TBC1D10A: variants seen among roughly 807,000 people sequenced by gnomAD.
TBC1D10A encodes TBC1 domain family member 10A.
Under a neutral mutation model 52.9 loss-of-function variants are expected in TBC1D10A, and 24 were observed. That is an observed-to-expected ratio of 0.45 (90% CI 0.33 to 0.64). The LOEUF (loss-of-function observed/expected upper bound fraction) is 0.64, where lower values mean the gene tolerates loss of function less well. Ranked by LOEUF, TBC1D10A falls within the 30% of genes least tolerant of loss-of-function variation. The probability of loss-of-function intolerance (pLI) is 0.02; values close to 1 mark genes in which losing one functional copy is unlikely to be tolerated. For missense variants in TBC1D10A, 602 were observed against 687.9 expected, an observed-to-expected ratio of 0.88 and a Z score of 1.40; for synonymous variants, 278 against 282.9, an observed-to-expected ratio of 0.98 and a Z score of 0.17.
Position 30,293,658 on chromosome 22 carries a change from A to G in TBC1D10A, c.1043T>C (p.Val348Ala). ...SPKIMQEAFLVQEVVELPVTE... is the reference protein window; with the variant it reads ...SPKIMQEAFLAQEVVELPVTE... ...GGCAGGCATGGGCTGTACCTCCTGG[A>G]CCAGAAAGGCCTCCTGCATGATCTT... Residue 348 changes from valine to alanine, a missense_variant, in exon 8 of 9, where the codon GTC (valine) becomes GCC (alanine). Coordinates refer to ENST00000215790, the MANE Select transcript of TBC1D10A (RefSeq NM_031937.3). 2 of 1,608,156 alleles carry G rather than the reference A, an allele frequency of 1.2e-6. No homozygotes were observed. The highest frequency in any genetic ancestry group is 1.1e-5 in the South Asian group (1 of 90,884).
At position 30,309,311 on chromosome 22, in the gene TBC1D10A, AC is replaced by A. The variant is rs545473784; in HGVS notation, c.210-4682del. 4.8e-3 allele frequency among the ~76,000 whole-genome samples: 721 copies of A among 151,308 alleles called. 8 individuals carry two copies. The highest frequency in any genetic ancestry group is 4.3e-3 in the Non-Finnish European group (294 of 67,870). Reference sequence around the variant, plus strand: ...GAGTGCAGTGGCATGATCTCAGCTCACTGCAACCTCCACCTCCCGGGTTTAA... The same window carrying A: ...GAGTGCAGTGGCATGATCTCAGCTCATGCAACCTCCACCTCCCGGGTTTAA... On this transcript the variant is annotated intron_variant, in intron 1 of 8. Coordinates refer to ENST00000215790, the MANE Select transcript of TBC1D10A (RefSeq NM_031937.3).
chr22:30,319,875 T>C (rs996364832), intron 1 of TBC1D10A, among the ~76,000 whole-genome samples: 6 of 152,204 alleles, frequency 3.9e-5, no homozygotes, highest in Non-Finnish European at 5.9e-5. Flanking sequence ...GGACAACGGA[T>C]GGATGATGGC....
intron 1 of TBC1D10A, among the ~76,000 whole-genome samples, chr22:30,308,300 ATGCCTGCC>A (rs1235776979): frequency 3.4e-4 from 30 of 89,160 alleles, no homozygotes; most frequent in South Asian, 1.3e-3. Context: ...GCATGCCTGC[ATGCCTGCC>A]TGCCTGCATG....
At position 30,294,944 on chromosome 22, in the gene TBC1D10A, A is replaced by G; in HGVS notation, c.636T>C (p.Ala212=). The change falls in exon 5 of 9, where the codon GCT becomes GCC. Residue 212 remains alanine (A), a synonymous_variant. Transcript: ENST00000215790. ...CCTGCCCGGGGCCTGGTGGTACCTC[A>G]GCAGGCATATGCATGAGCAAGACAG... ...IAAVLLMHMP[A]EQAFWCLVQI... 6.2e-7 allele frequency: 1 copy of G among 1,613,996 alleles called. No individual in the cohort carries two copies. Among genetic ancestry groups the G allele is most frequent in the Non-Finnish European group, 8.5e-7 (1 of 1,180,010 alleles).
chr22:30,294,925 C>CG lies in TBC1D10A; in HGVS notation c.639+15dup. ...TTCCCCACCCACCCCCCTGCCTGCC[C>CG]GGGGCCTGGTGGTACCTCAGCAGGC... On this transcript the variant is annotated intron_variant, in intron 5 of 8. Coordinates refer to ENST00000215790, the MANE Select transcript of TBC1D10A (RefSeq NM_031937.3). The CG allele has an allele frequency of 6.2e-7, 1 of 1,613,992 alleles. No homozygotes were observed. Among genetic ancestry groups the CG allele is most frequent in the Non-Finnish European group, 8.5e-7 (1 of 1,179,992 alleles).
chr22:30,320,749 G>A (rs1930635651), intron 1 of TBC1D10A, among the ~76,000 whole-genome samples: 1 of 152,206 alleles, frequency 6.6e-6, no homozygotes, highest in Admixed American at 6.5e-5. Context: ...TTAAGAGGGA[G>A]AAGAACATTC....
At chr22:30,294,589 A>G (rs1369283664) in intron 6 of TBC1D10A, among the ~76,000 whole-genome samples, 2 of 152,254 alleles carry the variant, frequency 1.3e-5, no homozygotes, top group East Asian at 1.9e-4. Context: ...TGACCAGAGC[A>G]GCTAGAGGCT....
intron 1 of TBC1D10A, among the ~76,000 whole-genome samples, chr22:30,322,970 G>C (rs1253273791): frequency 6.8e-6 from 1 of 147,402 alleles, no homozygotes; most frequent in African/African-American, 2.5e-5. Context: ...GCACCATCTT[G>C]GCTTACTGCA....
rs188819273 is a variant in TBC1D10A at position 30,293,662 on chromosome 22, G to A, written c.1039C>T (p.Leu347=). ...LSPKIMQEAF[L]VQEVVELPVT... is the part of the protein sequence containing the mutation. Reference sequence around the variant, plus strand: ...GGCATGGGCTGTACCTCCTGGACCAGAAAGGCCTCCTGCATGATCTTGGGG... The same window carrying A: ...GGCATGGGCTGTACCTCCTGGACCAAAAAGGCCTCCTGCATGATCTTGGGG... Residue 347 remains leucine, a synonymous_variant, in exon 8 of 9, where the codon CTG becomes TTG. Transcript: ENST00000215790. 1.2e-6 allele frequency: 2 copies of A among 1,609,124 alleles called. No homozygotes were observed. The highest frequency in any genetic ancestry group is 1.3e-5 in the African/African-American group (1 of 74,958).
chr22:30,292,446 G>A lies in TBC1D10A; in HGVS notation c.1456C>T (p.Pro486Ser), dbSNP rs1257447462. 1.9e-6 allele frequency: 3 copies of A among 1,601,634 alleles called. No individual in the cohort carries two copies. The highest frequency in any genetic ancestry group is 1.1e-5 in the South Asian group (1 of 89,420). The stretch of plus-strand genomic sequence containing the variant: ...GAGCGGTGGTGGGCTGAGACCTGGG[G>A]AGCCAAATCCTGAGGGGCTGAGTCC... ...PKDSAPQDLA[P>S]QVSAHHRSQE... Residue 486 changes from proline to serine, a missense_variant, in exon 9 of 9, where the codon CCC becomes TCC. Around this residue, in one of 3 missense-constraint regions of TBC1D10A, gnomAD observed 265 missense variants for 275.1 expected, o/e 0.96. Coordinates refer to ENST00000215790, the MANE Select transcript of TBC1D10A (RefSeq NM_031937.3).
chr22:30,320,730 C>T (rs1930635291), intron 1 of TBC1D10A, among the ~76,000 whole-genome samples: 1 of 152,212 alleles, frequency 6.6e-6, no homozygotes, highest in Non-Finnish European at 1.5e-5. Flanking sequence ...CCACGAGCTG[C>T]TCCAGTCTTT....
At chr22:30,323,677 C>T (rs1930705532) in intron 1 of TBC1D10A, among the ~76,000 whole-genome samples, 6 of 152,100 alleles carry the variant, frequency 3.9e-5, no homozygotes, top group Admixed American at 3.9e-4. Context: ...TATTAAGATC[C>T]CTTACAGGCC....
chr22:30,302,455 A>C (rs536583616), intron 2 of TBC1D10A, among the ~76,000 whole-genome samples: 6 of 152,340 alleles, frequency 3.9e-5, no homozygotes, highest in African/African-American at 1.4e-4. Context: ...CAGCAGGACT[A>C]TGTATGAGTC....
intron 2 of TBC1D10A, among the ~76,000 whole-genome samples, chr22:30,303,309 A>ATAGACAGACAGACAGACAGT (rs3067179): frequency 2.4e-5 from 3 of 127,570 alleles, no homozygotes; most frequent in Non-Finnish European, 5.4e-5. Flanking sequence ...AGATAGATAG[A>ATAGACAGACAGACAGACAGT]CAGACAGACA....
chr22:30,305,774 G>A (rs1930298941), intron 1 of TBC1D10A: 1 of 152,236 alleles, frequency 6.6e-6, no homozygotes, highest in African/African-American at 2.4e-5. Context: ...AAAAGGGAAG[G>A]TCTTCTTCAG....
Position 30,292,856 on chromosome 22 carries a change from A to G in TBC1D10A, c.1051-5T>C. ...TGTCACGGGCAACTCCACCACCTGCAGGGGCAGTGACACAGGCAAGTGGAC... is the reference window on the plus strand; with the variant it reads ...TGTCACGGGCAACTCCACCACCTGCGGGGGCAGTGACACAGGCAAGTGGAC... On this transcript the variant is annotated splice_polypyrimidine_tract_variant and splice_region_variant and intron_variant, in intron 8 of 8. Transcript: ENST00000215790. The G allele has an allele frequency of 6.2e-7, 1 of 1,610,682 alleles. No homozygotes were observed. Among genetic ancestry groups the G allele is most frequent in the Admixed American group, 1.7e-5 (1 of 59,972 alleles).
chr22:30,299,677 A>T, intron 2 of TBC1D10A, 126 bp from the exon 3 acceptor site: 1 of 868,686 alleles, frequency 1.2e-6, no homozygotes, highest in Admixed American at 2.7e-5. Flanking sequence ...GGGAGAAAAG[A>T]GGACTTTCGC....
intron 1 of TBC1D10A, among the ~76,000 whole-genome samples, chr22:30,310,600 T>C (rs537177044): frequency 1.8e-4 from 28 of 152,252 alleles, no homozygotes; most frequent in African/African-American, 6.3e-4. Flanking sequence ...CAGAGAACAT[T>C]GGTAAACATG....
At chr22:30,306,277 A>T (rs1930308053) in intron 1 of TBC1D10A, among the ~76,000 whole-genome samples, 1 of 152,234 alleles carries the variant, frequency 6.6e-6, no homozygotes, top group Non-Finnish European at 1.5e-5. Context: ...AGGCTTACAG[A>T]GGGCAAGGTT....
Sources: allele counts gnomAD v4.1 joint callset (sites outside exome capture counted in the v4.1 genomes callset), GRCh38; gene constraint gnomAD v4.1.1; regional missense constraint gnomAD v4.1.1; transcripts MANE v1.5; gene names NCBI Gene and HGNC (gene_info 2026-07-23, HGNC 2026-07-21).